The following HTR2A variants were observed in gnomAD, a reference collection of about 807,000 sequenced individuals.
HTR2A encodes the protein 5-hydroxytryptamine receptor 2A, also known as 5-HT2 receptor.
A neutral mutation model predicts 31.0 loss-of-function variants in HTR2A; 14 were observed. That is an observed-to-expected ratio of 0.45 (90% confidence interval 0.30 to 0.71). The LOEUF is 0.71. Among genes scored for constraint, HTR2A ranks in the 30% least tolerant of loss-of-function variants. The pLI, the probability that HTR2A is intolerant of heterozygous loss-of-function variation, is 0.09. For synonymous variants in HTR2A, 209 were observed against 225.2 expected (o/e 0.93, Z 0.64); for missense variants, 442 against 573.3 (o/e 0.77, Z 2.34).
intron 3 of HTR2A, among the ~76,000 whole-genome samples, chr13:46,862,883 A>G (rs987372858): frequency 6.6e-6 from 1 of 152,240 alleles, no homozygotes; most frequent in African/African-American, 2.4e-5. Context: ...TAGACTCTTC[A>G]GGCACTTGAC....
intron 3 of HTR2A, among the ~76,000 whole-genome samples, chr13:46,864,158 A>G (rs1272594319): frequency 6.6e-6 from 1 of 152,134 alleles, no homozygotes; most frequent in East Asian, 1.9e-4. Context: ...GCAAAACTAA[A>G]CTATACACAT....
rs1455076257 is a variant in HTR2A at position 46,833,442 on chromosome 13, C to T, written c.*1395G>A. ...GTGGTGTGAACTTGGCTCACTGCAG[C>T]CTTGAGCTTCTGGGCTCAAGTGATC... On this transcript the variant is annotated 3_prime_UTR_variant, in exon 4 of 4. Transcript: ENST00000542664. The T allele has an allele frequency of 6.6e-6, 1 of 152,000 alleles. No homozygotes were observed. The highest frequency in any genetic ancestry group is 1.9e-4 in the East Asian group (1 of 5,184). 9.4% of individuals were successfully genotyped at this position (152,000 alleles called of 1,614,324 possible).
chr13:46,867,007 C>A (rs1461841934), intron 3 of HTR2A, among the ~76,000 whole-genome samples: 1 of 152,012 alleles, frequency 6.6e-6, no homozygotes, highest in Non-Finnish European at 1.5e-5. Flanking sequence ...GCCTGGGTGA[C>A]AAGAGTGAAA....
At chr13:46,897,810 T>C (rs554295158), upstream of HTR2A, among the ~76,000 whole-genome samples, 1 of 152,306 alleles carries the variant, frequency 6.6e-6, no homozygotes, top group Admixed American at 6.5e-5. Context: ...GTCTGTACCT[T>C]CATAGCTGAT....
upstream of HTR2A, among the ~76,000 whole-genome samples, chr13:46,897,678 T>G (rs948699930): frequency 6.6e-6 from 1 of 152,246 alleles, no homozygotes; most frequent in African/African-American, 2.4e-5. Context: ...TCTCTCTTTT[T>G]GCAGGCATGA....
In HTR2A at chr13:46,860,487, T is replaced by A. The variant is rs145908573; in HGVS notation, c.614-24848A>T. 5.0e-3 allele frequency among the ~76,000 whole-genome samples: 766 copies of A among 152,270 alleles called. 9 individuals are homozygous for A. Among genetic ancestry groups the A allele is most frequent in the African/African-American group, 0.018 (734 of 41,562 alleles). On this transcript the variant is annotated intron_variant, in intron 3 of 3. Coordinates refer to ENST00000542664, the MANE Select transcript of HTR2A (RefSeq NM_000621.5). ...AGGGAGGATTGCAGAACAATCACCT[T>A]TATGTTCTTTTGGATTGAAGACAAA...
At chr13:46,857,464 C>A (rs1165745673) in intron 3 of HTR2A, among the ~76,000 whole-genome samples, 2 of 152,090 alleles carry the variant, frequency 1.3e-5, no homozygotes, top group African/African-American at 2.4e-5. Flanking sequence ...CTCTCTAGGG[C>A]CCCTTTGATA....
At position 46,895,636 on chromosome 13, in the gene HTR2A, C is replaced by G. The variant is rs1951095863; in HGVS notation, c.271G>C (p.Gly91Arg). Residue 91 changes from glycine to arginine, a missense_variant, in exon 2 of 4, where the codon GGA (glycine) becomes CGA (arginine). Physicochemically the swap from Gly to Arg is moderately radical, Grantham distance 125. This residue lies in a region of HTR2A where 86 missense variants were observed against 179.1 expected (regional missense o/e 0.48). Transcript: ENST00000542664. This position sits in a 1 kb window ranked among gnomAD's most constrained non-coding sequence, Gnocchi z 4.4. Reference protein sequence around the residue: ...TAVVIILTIAGNILVIMAVSL... With the variant: ...TAVVIILTIARNILVIMAVSL... ...ACTGCCATGATGACGAGTATGTTTC[C>G]AGCAATAGTTAGAATAATCACTACG... 1 of 1,614,034 alleles carries G rather than the reference C, an allele frequency of 6.2e-7. No individual in the cohort carries two copies.
In HTR2A at chr13:46,895,804, C is replaced by CGGAGTTAAAGTCATTACTGTAGAGCCT. The variant is rs781107449; in HGVS notation, c.76_102dup (p.Arg26_Ser34dup). The CGGAGTTAAAGTCATTACTGTAGAGCCT allele has an allele frequency of 6.2e-7, 1 of 1,613,990 alleles. No homozygotes were observed. Among genetic ancestry groups the CGGAGTTAAAGTCATTACTGTAGAGCCT allele is most frequent in the South Asian group, 1.1e-5 (1 of 91,078 alleles). On this transcript the variant is annotated inframe_insertion, in exon 2 of 4. Coordinates refer to ENST00000542664, the MANE Select transcript of HTR2A (RefSeq NM_000621.5). The surrounding 1 kb of genome is among the most constrained non-coding windows in gnomAD (Gnocchi z 4.4). ...AATGCATCAGAAGTGTTAGCTTCTC[C>CGGAGTTAAAGTCATTACTGTAGAGCCT]GGAGTTAAAGTCATTACTGTAGAGC...
chr13:46,871,538 T>C lies in HTR2A; in HGVS notation c.613+20852A>G, dbSNP rs530071190. Among the ~76,000 whole-genome samples the C allele has an allele frequency of 2.6e-5, 4 of 152,304 alleles. No individual in the cohort carries two copies. In the South Asian group the frequency reaches 6.2e-4, roughly 24 times the overall value. The stretch of plus-strand genomic sequence containing the variant: ...GAAAATAAACAAGCAATTCAGAAAA[T>C]ACATTATTTAGCATTACTCTTTCAA... On this transcript the variant is annotated intron_variant, in intron 3 of 3. Transcript: ENST00000542664.
At chr13:46,872,593 C>T (rs1047190225) in intron 3 of HTR2A, among the ~76,000 whole-genome samples, 11 of 152,054 alleles carry the variant, frequency 7.2e-5, no homozygotes, top group African/African-American at 2.7e-4. Flanking sequence ...ACTCTGTATA[C>T]TACTAATGGA....
intron 3 of HTR2A, among the ~76,000 whole-genome samples, chr13:46,888,147 A>G (rs1951023555): frequency 6.6e-6 from 1 of 152,182 alleles, no homozygotes; most frequent in South Asian, 2.1e-4. Context: ...TTTAGCATAC[A>G]TGAGATTGGA....
chr13:46,873,149 TTTC>T (rs1950877137), intron 3 of HTR2A, among the ~76,000 whole-genome samples: 1 of 139,896 alleles, frequency 7.1e-6, no homozygotes, highest in African/African-American at 2.6e-5. Context: ...TCTATTTTAC[TTTC>T]TTTTTTTTTT....
intron 3 of HTR2A, among the ~76,000 whole-genome samples, chr13:46,876,245 C>T (rs948447264): frequency 7.2e-5 from 11 of 151,958 alleles, no homozygotes; most frequent in African/African-American, 2.7e-4. Flanking sequence ...AAGCATCTCC[C>T]TCTTGACACA....
At chr13:46,848,292 G>A (rs142423418) in intron 3 of HTR2A, among the ~76,000 whole-genome samples, 7 of 152,286 alleles carry the variant, frequency 4.6e-5, no homozygotes, top group Middle Eastern at 3.4e-3. Context: ...CCTTTAGTTT[G>A]CAGAAAGATG....
At chr13:46,850,130 T>C (rs1950671851) in intron 3 of HTR2A, among the ~76,000 whole-genome samples, 1 of 152,208 alleles carries the variant, frequency 6.6e-6, no homozygotes, top group African/African-American at 2.4e-5. Context: ...AAGGTAAAGC[T>C]AGTTAATTTG....
chr13:46,889,487 T>C (rs1031577458), intron 3 of HTR2A, among the ~76,000 whole-genome samples: 2 of 152,188 alleles, frequency 1.3e-5, no homozygotes, highest in African/African-American at 4.8e-5. Flanking sequence ...GAAACTTCTC[T>C]ATCATTTAAT....
intron 3 of HTR2A, among the ~76,000 whole-genome samples, chr13:46,871,863 T>C (rs1360034396): frequency 6.6e-6 from 1 of 152,216 alleles, no homozygotes; most frequent in Non-Finnish European, 1.5e-5. Flanking sequence ...CAGTAGAAAA[T>C]GGAATTATAG....
At chr13:46,839,995 G>C (rs1260074364) in intron 3 of HTR2A, among the ~76,000 whole-genome samples, 1 of 152,112 alleles carries the variant, frequency 6.6e-6, no homozygotes, top group Admixed American at 6.6e-5. Context: ...CTCTTGTAGG[G>C]AACAGGACAG....
Sources: allele counts gnomAD v4.1 joint callset (sites outside exome capture counted in the v4.1 genomes callset), GRCh38; gene constraint gnomAD v4.1.1; regional missense constraint gnomAD v4.1.1; non-coding constraint Gnocchi (gnomAD v3.1); transcripts MANE v1.5; gene names NCBI Gene and HGNC (gene_info 2026-07-23, HGNC 2026-07-21).